NCKAP5: variants seen among roughly 807,000 people sequenced by gnomAD.
The protein encoded by NCKAP5 is NCK associated protein 5, also known as nck-associated protein 5.
A neutral mutation model predicts 167.0 loss-of-function variants in NCKAP5; 92 were observed. The observed-to-expected ratio is 0.55, with a 90% CI of 0.47 to 0.66. NCKAP5 has a LOEUF of 0.66. NCKAP5 is among the 30% of genes least tolerant of loss of function. The probability of loss-of-function intolerance (pLI) is 0.00; values close to 1 mark genes in which losing one functional copy is unlikely to be tolerated. For synonymous variants in NCKAP5, 891 were observed against 877.4 expected (o/e 1.02, Z -0.27); for missense variants, 2,378 against 2,315.0 (o/e 1.03, Z -0.56).
intron 3 of NCKAP5, among the ~76,000 whole-genome samples, chr2:133,403,440 C>T (rs1688225009): frequency 6.6e-6 from 1 of 152,164 alleles, no homozygotes; most frequent in Non-Finnish European, 1.5e-5. Context: ...ATAGGTTTTA[C>T]TAAATGTATT....
chr2:132,782,245 G>A lies in NCKAP5; in HGVS notation c.4566C>T (p.Ser1522=). Residue 1522 remains serine, a synonymous_variant, in exon 14 of 20, where the codon AGC becomes AGT. Transcript: ENST00000409261. ...TGGTTTTGGAGATGTCCATTTTCCT[G>A]CTACTCAGAGCTGGAAGTCTACTCT... ...FRKSRLPALS[S]RKMDISKTKV... is the part of the protein sequence containing the mutation. The A allele has an allele frequency of 6.2e-7, 1 of 1,613,848 alleles. No homozygotes were observed. Among genetic ancestry groups the A allele is most frequent in the South Asian group, 1.1e-5 (1 of 91,078 alleles).
intron 11 of NCKAP5, among the ~76,000 whole-genome samples, chr2:132,818,534 A>G (rs1022259190): frequency 5.3e-5 from 8 of 152,134 alleles, no homozygotes; most frequent in Admixed American, 2.6e-4. Flanking sequence ...AAACAAAAAC[A>G]AAAATTAGCT....
At chr2:132,965,880 C>G (rs2076646208) in intron 7 of NCKAP5, among the ~76,000 whole-genome samples, 1 of 150,820 alleles carries the variant, frequency 6.6e-6, no homozygotes, top group African/African-American at 2.5e-5. Flanking sequence ...CACCATCACA[C>G]ATCTTTATAA....
chr2:132,857,270 T>C (rs993860099), intron 11 of NCKAP5, among the ~76,000 whole-genome samples: 5 of 152,174 alleles, frequency 3.3e-5, no homozygotes, highest in Non-Finnish European at 5.9e-5. Flanking sequence ...TAAAGGCATT[T>C]GAGGAGCAGT....
At chr2:133,087,748 C>T (rs907913140) in intron 6 of NCKAP5, among the ~76,000 whole-genome samples, 2 of 152,120 alleles carry the variant, frequency 1.3e-5, no homozygotes, top group Non-Finnish European at 2.9e-5. Context: ...CTTACAGCAA[C>T]AGAAGATCAT....
chr2:132,899,892 AAAAC>A (rs1258629183), intron 8 of NCKAP5, among the ~76,000 whole-genome samples: 5 of 152,248 alleles, frequency 3.3e-5, no homozygotes, highest in South Asian at 4.2e-4. Flanking sequence ...CAAACAAACA[AAAAC>A]AAACAAACAA....
At chr2:133,464,559 C>T (rs529318367) in intron 3 of NCKAP5, among the ~76,000 whole-genome samples, 45 of 151,994 alleles carry the variant, frequency 3.0e-4, no homozygotes, top group African/African-American at 9.4e-4. Flanking sequence ...GTGTGGTGGC[C>T]GGTGCCTGTA....
chr2:132,870,084 T>C (rs1348195185), intron 9 of NCKAP5, among the ~76,000 whole-genome samples: 1 of 152,166 alleles, frequency 6.6e-6, no homozygotes. Context: ...GTGATTGGTT[T>C]AGGAGTGGGC....
chr2:133,068,735 T>TA (rs1157506872), intron 6 of NCKAP5, among the ~76,000 whole-genome samples: 2 of 152,230 alleles, frequency 1.3e-5, no homozygotes, highest in South Asian at 2.1e-4. Context: ...CACCATAACT[T>TA]ACGGTTGGCT....
the NCKAP5 span, among the ~76,000 whole-genome samples, chr2:133,642,103 G>C: frequency 6.6e-6 from 1 of 152,150 alleles, no homozygotes; most frequent in Non-Finnish European, 1.5e-5. Flanking sequence ...TGTGCAAAGA[G>C]ATCACGTGGC....
chr2:132,912,118 T>G (rs928649692), intron 8 of NCKAP5, among the ~76,000 whole-genome samples: 2 of 151,910 alleles, frequency 1.3e-5, no homozygotes, highest in Non-Finnish European at 2.9e-5. Context: ...CAAAGTCAGA[T>G]GCTGGCCTGT....
intron 2 of NCKAP5, among the ~76,000 whole-genome samples, chr2:133,539,168 C>CTGACCTCATGATCCATGACCTCATGATCA (rs1686022831): frequency 6.6e-6 from 1 of 152,084 alleles, no homozygotes; most frequent in Non-Finnish European, 1.5e-5. Flanking sequence ...TCTCGGTCTC[C>CTGACCTCATGATCCATGACCTCATGATCA]TGACCTCATG....
chr2:133,099,991 G>C (rs776193932), intron 6 of NCKAP5, among the ~76,000 whole-genome samples: 1 of 152,190 alleles, frequency 6.6e-6, no homozygotes, highest in Non-Finnish European at 1.5e-5. Flanking sequence ...CTTTTTACAG[G>C]AGTCTGTGGA....
intron 8 of NCKAP5, among the ~76,000 whole-genome samples, chr2:132,940,553 T>A (rs1272601661): frequency 1.3e-5 from 2 of 152,018 alleles, no homozygotes; most frequent in Non-Finnish European, 2.9e-5. Context: ...GTAAAAAAAA[T>A]AACTAGCAAC....
At chr2:133,138,033 G>T (rs1208076517) in intron 5 of NCKAP5, among the ~76,000 whole-genome samples, 1 of 152,172 alleles carries the variant, frequency 6.6e-6, no homozygotes, top group African/African-American at 2.4e-5. Context: ...TGGAGGGAAA[G>T]GGGAAGGGGT....
chr2:133,590,941 G>C, the NCKAP5 span, among the ~76,000 whole-genome samples: 2 of 150,454 alleles, frequency 1.3e-5, no homozygotes, highest in Non-Finnish European at 2.9e-5. Context: ...GAGAGAGAGA[G>C]AGAGTGTTGT....
rs6732926 is a variant in NCKAP5, at chr2:133,041,024, C to G, written c.342-46785G>C. 1.4e-3 allele frequency among the ~76,000 whole-genome samples: 219 copies of G among 152,266 alleles called. 8 individuals carry two copies. The highest frequency in any genetic ancestry group is 0.013 in the Admixed American group (194 of 15,270). ...CCTGAGCGCAAATGACAAATGTTAG[C>G]TTATGCAGAAGCAACATCCTAAGAA... On this transcript the variant is annotated intron_variant, in intron 6 of 19. Transcript: ENST00000409261.
chr2:132,744,893 A>T (rs1679509354), intron 16 of NCKAP5, among the ~76,000 whole-genome samples: 2 of 151,770 alleles, frequency 1.3e-5, no homozygotes, highest in South Asian at 4.1e-4. Flanking sequence ...GAGAAATCCA[A>T]CTACCAGAAC....
At chr2:132,767,205 C>T (rs1681576592) in intron 16 of NCKAP5, among the ~76,000 whole-genome samples, 1 of 152,154 alleles carries the variant, frequency 6.6e-6, no homozygotes. Flanking sequence ...TACCAAGTGT[C>T]CCAAACTTAT....
Sources: allele counts gnomAD v4.1 joint callset (sites outside exome capture counted in the v4.1 genomes callset), GRCh38; gene constraint gnomAD v4.1.1; transcripts MANE v1.5; gene names NCBI Gene and HGNC (gene_info 2026-07-23, HGNC 2026-07-21).